The following TRAPPC10 variants were observed in gnomAD, a reference collection of about 807,000 sequenced individuals.
The protein encoded by TRAPPC10 is TRAPP 130 kDa subunit.
In TRAPPC10, 23 loss-of-function variants were observed where a neutral mutation model predicts 125.5. The ratio of observed to expected loss-of-function variants is 0.18; its 90% confidence interval spans 0.13 to 0.26. The LOEUF is 0.26. Ranked by LOEUF, TRAPPC10 falls within the 10% of genes least tolerant of loss-of-function variation. TRAPPC10 has a pLI of 1.00. For missense variants in TRAPPC10, 1,123 were observed against 1,308.4 expected, an observed-to-expected ratio of 0.86 and a Z score of 2.19; for synonymous variants, 509 against 518.0, an observed-to-expected ratio of 0.98 and a Z score of 0.24.
At position 44,063,464 on chromosome 21, in the gene TRAPPC10, C is replaced by T; in HGVS notation, c.791-74C>T. On this transcript the variant is annotated intron_variant, in intron 6 of 22. Coordinates refer to ENST00000291574, the MANE Select transcript of TRAPPC10 (RefSeq NM_003274.5). The surrounding 1 kb of genome is among the most constrained non-coding windows in gnomAD (Gnocchi z 4.4). ...ATGAAGCTGCCTGTTTGCCCACCAT[C>T]CTCAGCCTGAGCAGGAAGCTCAGGA... 3 of 1,569,576 alleles carry T rather than the reference C, an allele frequency of 1.9e-6. No homozygotes were observed. The highest frequency in any genetic ancestry group is 2.6e-6 in the Non-Finnish European group (3 of 1,157,552).
At chr21:44,094,566 A>G (rs2038801383) in intron 20 of TRAPPC10, among the ~76,000 whole-genome samples, 1 of 152,130 alleles carries the variant, frequency 6.6e-6, no homozygotes, top group Admixed American at 6.5e-5. Flanking sequence ...TCTTGGAGTC[A>G]TTTCATCTTC....
chr21:44,092,161 A>G (rs2038629300), intron 19 of TRAPPC10, 112 bp downstream of exon 19: 1 of 1,380,048 alleles, frequency 7.2e-7, no homozygotes, highest in Non-Finnish European at 9.9e-7. Flanking sequence ...TGCACTGCTG[A>G]TGAGTAAAGG....
intron 3 of TRAPPC10, chr21:44,046,438 G>T: frequency 3.5e-6 from 1 of 281,990 alleles, no homozygotes; most frequent in South Asian, 4.5e-5. Context: ...CTTGACAAGA[G>T]ACTCCAGTTC....
chr21:44,101,243 A>G (rs1022466020), intron 21 of TRAPPC10, among the ~76,000 whole-genome samples: 2 of 67,866 alleles, frequency 2.9e-5, no homozygotes, highest in African/African-American at 6.4e-5. Context: ...GCTTTATGAA[A>G]AGTTTATGAA....
At chr21:44,015,854 C>T (rs1003444640) in intron 1 of TRAPPC10, among the ~76,000 whole-genome samples, 3 of 151,860 alleles carry the variant, frequency 2.0e-5, no homozygotes, top group African/African-American at 7.3e-5. Flanking sequence ...CCTCAGGTGA[C>T]CTGCCCGCCT....
intron 17 of TRAPPC10, chr21:44,089,499 G>T (rs766590541): frequency 1.5e-5 from 7 of 476,768 alleles, no homozygotes; most frequent in African/African-American, 9.8e-5. Context: ...ATTGCAACAT[G>T]CATGGCTCCG....
At chr21:44,083,878 G>C (rs1475585467) in intron 14 of TRAPPC10, among the ~76,000 whole-genome samples, 2 of 152,168 alleles carry the variant, frequency 1.3e-5, no homozygotes, top group African/African-American at 4.8e-5. Flanking sequence ...GTTTAGATAA[G>C]TTGAAAATAC....
At chr21:44,074,247 A>G in intron 7 of TRAPPC10, 77 bp from the exon 8 acceptor site, 4 of 1,584,908 alleles carry the variant, frequency 2.5e-6, no homozygotes, top group South Asian at 1.1e-5. Context: ...TGCACGTTCA[A>G]GCTAGAGCAT....
chr21:44,083,193 C>T lies in TRAPPC10; in HGVS notation c.2129C>T (p.Ser710Phe), dbSNP rs756255132. Reference protein sequence around the residue: ...HMLLRRQESSSSLEMPSGVAL... With the variant: ...HMLLRRQESSFSLEMPSGVAL... ...CTCCTGAGAAGGCAGGAGAGCAGCT[C>T]CTCTCTAGAGATGCCCTCAGGGGTG... Residue 710 changes from serine (S) to phenylalanine (F), a missense_variant, in exon 14 of 23, where the codon TCC (serine) becomes TTC (phenylalanine). Transcript: ENST00000291574. The T allele has an allele frequency of 4.3e-6, 7 of 1,614,216 alleles. 1 individual carries two copies. In the South Asian group the frequency reaches 5.5e-5, roughly 13 times the overall value.
chr21:44,070,803 G>T (rs35985715), intron 7 of TRAPPC10, among the ~76,000 whole-genome samples: 2 of 152,098 alleles, frequency 1.3e-5, no homozygotes, highest in African/African-American at 2.4e-5. Flanking sequence ...GAGCTCTTGC[G>T]TCTCTGCTGC....
At chr21:44,022,450 A>ATTTTTTTTTT (rs71197876) in intron 1 of TRAPPC10, among the ~76,000 whole-genome samples, 3 of 96,986 alleles carry the variant, frequency 3.1e-5, no homozygotes, top group African/African-American at 1.0e-4. Flanking sequence ...TGCCCAGCTA[A>ATTTTTTTTTT]TTTTTTTTTT....
At chr21:44,027,118 A>G (rs534237115) in intron 1 of TRAPPC10, among the ~76,000 whole-genome samples, 1 of 152,364 alleles carries the variant, frequency 6.6e-6, no homozygotes, top group South Asian at 2.1e-4. Flanking sequence ...AGATTATGCT[A>G]AAGAATTTGA....
At chr21:44,094,725 C>CT (rs1366927025) in intron 20 of TRAPPC10, among the ~76,000 whole-genome samples, 7 of 152,120 alleles carry the variant, frequency 4.6e-5, no homozygotes, top group Non-Finnish European at 1.0e-4. Context: ...GAAGAGTAGC[C>CT]TTGAGCTAGG....
intron 2 of TRAPPC10, among the ~76,000 whole-genome samples, chr21:44,035,001 C>T (rs536480259): frequency 6.6e-6 from 1 of 152,336 alleles, no homozygotes; most frequent in South Asian, 2.1e-4. Context: ...ATGTCCTAAG[C>T]CTCCAGGTTT....
In TRAPPC10 at chr21:44,084,146, C is replaced by G. The variant is rs375974291; in HGVS notation, c.2263C>G (p.Leu755Val). Residue 755 changes from leucine (L) to valine (V), a missense_variant, in exon 15 of 23, where the codon CTC becomes GTC. Physicochemically the swap from Leu to Val is conservative, Grantham distance 32 (BLOSUM62 1). This residue lies in a region of TRAPPC10 where 840 missense variants were observed against 902.0 expected (regional missense o/e 0.93). Coordinates refer to ENST00000291574, the MANE Select transcript of TRAPPC10 (RefSeq NM_003274.5). ...GGCCAAGGAACCTGGAACGTATACA[C>G]TCAGGCAGCTGTGCGCCTCGGTGGG... The part of the protein sequence containing the change: ...TQAKEPGTYT[L>V]RQLCASVGSV... 1 of 1,614,246 alleles carries G rather than the reference C, an allele frequency of 6.2e-7. No homozygotes were observed. The highest frequency in any genetic ancestry group is 8.5e-7 in the Non-Finnish European group (1 of 1,180,046).
intron 7 of TRAPPC10, among the ~76,000 whole-genome samples, chr21:44,067,042 G>C (rs1002953304): frequency 1.8e-4 from 28 of 152,192 alleles, no homozygotes; most frequent in African/African-American, 6.0e-4. Flanking sequence ...TTTGGAATGT[G>C]TTTCATTCAG....
rs759834925 is a variant in TRAPPC10, at chr21:44,059,078, T to TA, written c.679-19dup. 6.5e-5 allele frequency: 101 copies of TA among 1,555,262 alleles called. No homozygotes were observed. The highest frequency in any genetic ancestry group is 1.8e-4 in the Middle Eastern group (1 of 5,466). ...ACATTGATTTATGTTTTTGTTTTTT[T>TA]AAAAAACGTATCTTGGGCGAATAGG... On this transcript the variant is annotated intron_variant, in intron 5 of 22. Coordinates refer to ENST00000291574, the MANE Select transcript of TRAPPC10 (RefSeq NM_003274.5). This position sits in a 1 kb window ranked among gnomAD's most constrained non-coding sequence, Gnocchi z 4.4.
chr21:44,084,230 CAGG>C lies in TRAPPC10; in HGVS notation c.2350_2352del (p.Glu784del). On this transcript the variant is annotated inframe_deletion, in exon 15 of 23. Coordinates refer to ENST00000291574, the MANE Select transcript of TRAPPC10 (RefSeq NM_003274.5). ...CATTGTGCAGTACGACGTGTACTCA[CAGG>C]AGCCCCAGCTGCACGTGGAGCCGCT... is the stretch of plus-strand genomic sequence containing the variant. 1 of 1,613,998 alleles carries C rather than the reference CAGG, an allele frequency of 6.2e-7. No individual in the cohort carries two copies. The highest frequency in any genetic ancestry group is 8.5e-7 in the Non-Finnish European group (1 of 1,179,966).
chr21:44,043,218 T>C (rs1457660130), intron 3 of TRAPPC10, among the ~76,000 whole-genome samples: 1 of 147,178 alleles, frequency 6.8e-6, no homozygotes, highest in African/African-American at 2.5e-5. Flanking sequence ...GCTTTTTTTT[T>C]TTTTTTTTTT....
Sources: gnomAD v4.1 joint callset for allele counts (sites outside exome capture counted in the v4.1 genomes callset) on GRCh38, gnomAD v4.1.1 for gene constraint, gnomAD v4.1.1 regional missense constraint, Gnocchi (gnomAD v3.1) non-coding constraint, MANE v1.5 for transcripts, NCBI Gene and HGNC (gene_info 2026-07-23, HGNC 2026-07-21) for gene names.